CBR4: variants seen among roughly 807,000 people sequenced by gnomAD.
CBR4 encodes the protein 3-oxoacyl-[acyl-carrier-protein] reductase.
In CBR4, 22 loss-of-function variants were observed where a neutral mutation model predicts 21.0. That is an observed-to-expected ratio of 1.05 (90% CI 0.75 to 1.50). CBR4 has a LOEUF of 1.50. Ranked by LOEUF, CBR4 falls within the 40% of genes most tolerant of loss-of-function variation. CBR4 has a pLI of 0.00. For missense variants in CBR4, 302 were observed against 286.3 expected (o/e 1.05, Z -0.40); for synonymous variants, 100 against 104.4 (o/e 0.96, Z 0.26).
At chr4:168,994,287 G>A (rs150108241) in intron 4 of CBR4, among the ~76,000 whole-genome samples, 108 of 152,360 alleles carry the variant, frequency 7.1e-4, no homozygotes, top group African/African-American at 2.4e-3. Context: ...GCTATTGTCT[G>A]TGGTTCAGGA....
intron 2 of CBR4, among the ~76,000 whole-genome samples, chr4:168,957,571 A>C (rs751122275): frequency 3.3e-5 from 5 of 152,198 alleles, no homozygotes; most frequent in Non-Finnish European, 7.3e-5. Flanking sequence ...ATCAAGATAC[A>C]AACTACTTCC....
At chr4:168,970,656 G>A (rs1764178491) in intron 2 of CBR4, among the ~76,000 whole-genome samples, 2 of 150,484 alleles carry the variant, frequency 1.3e-5, no homozygotes, top group South Asian at 4.2e-4. Flanking sequence ...TTCCCTGCAA[G>A]GCCCCAGAGT....
intron 4 of CBR4, among the ~76,000 whole-genome samples, chr4:168,992,214 C>T (rs1764958610): frequency 6.6e-6 from 1 of 152,100 alleles, no homozygotes; most frequent in Non-Finnish European, 1.5e-5. Context: ...CAATAAGAAA[C>T]TGGTTAAATA....
At chr4:168,922,100 TA>T (rs1761669171) in intron 2 of CBR4, among the ~76,000 whole-genome samples, 8 of 96,632 alleles carry the variant, frequency 8.3e-5, no homozygotes, top group Non-Finnish European at 1.7e-4. Context: ...TATATATATA[TA>T]TACACACACA....
chr4:168,930,418 GA>G (rs2126652290), intron 2 of CBR4, among the ~76,000 whole-genome samples: 1 of 152,250 alleles, frequency 6.6e-6, no homozygotes, highest in South Asian at 2.1e-4. Flanking sequence ...TTCATACAAT[GA>G]AATATTACTT....
intron 2 of CBR4, chr4:168,897,916 C>T (rs1566496): frequency 2.0e-5 from 3 of 151,632 alleles, no homozygotes; most frequent in African/African-American, 7.3e-5. Context: ...GCTGAGGAGG[C>T]GGCCCTTGCA....
chr4:168,987,997 G>C lies in CBR4; in HGVS notation c.*2153C>G, dbSNP rs1023818009. 1.0e-5 allele frequency: 10 copies of C among 985,372 alleles called. No individual in the cohort carries two copies. The Admixed American group carries it at 5.5e-4, about 55-fold the overall frequency. 61.0% of individuals were successfully genotyped at this position (985,372 alleles called of 1,614,324 possible). On this transcript the variant is annotated 3_prime_UTR_variant, in exon 5 of 5. Coordinates refer to ENST00000306193, the MANE Select transcript of CBR4 (RefSeq NM_032783.5). ...GCACAGAACCCTTATGGGCTCATAG[G>C]AGTCAGCAAACAGCTACAGATGAGT...
intron 2 of CBR4, chr4:168,928,055 CACCA>C (rs1036845309): frequency 2.6e-5 from 5 of 195,600 alleles, no homozygotes; most frequent in African/African-American, 1.2e-4. Context: ...TTTGTAAGAA[CACCA>C]ACCAACCAAG....
chr4:168,973,781 A>G (rs933008635), intron 2 of CBR4, among the ~76,000 whole-genome samples: 8 of 152,186 alleles, frequency 5.3e-5, no homozygotes, highest in African/African-American at 1.7e-4. Flanking sequence ...CGAGGGTTGT[A>G]TATTTCCAGG....
At chr4:169,007,940 A>T (rs373599320) in intron 1 of CBR4, among the ~76,000 whole-genome samples, 184 bp from the exon 2 acceptor site, 4 of 152,348 alleles carry the variant, frequency 2.6e-5, no homozygotes, top group South Asian at 4.1e-4. Flanking sequence ...ATGCGGGAAC[A>T]AAGAGGAAAT....
chr4:169,001,913 C>T, intron 4 of CBR4, 158 bp downstream of exon 4: 2 of 614,188 alleles, frequency 3.3e-6, no homozygotes, highest in Non-Finnish European at 5.2e-6. Flanking sequence ...ATATGAGGTA[C>T]AAAAAATTTT....
At chr4:169,006,646 T>C (rs1730932041) in intron 3 of CBR4, 109 bp downstream of exon 3, 5 of 1,017,528 alleles carry the variant, frequency 4.9e-6, no homozygotes, top group Non-Finnish European at 5.9e-6. Context: ...TTTCCACAGA[T>C]AATATAAATT....
chr4:168,998,944 A>C (rs1052396720), intron 4 of CBR4, among the ~76,000 whole-genome samples: 2 of 152,134 alleles, frequency 1.3e-5, no homozygotes, highest in Non-Finnish European at 2.9e-5. Flanking sequence ...AAGACTCTTT[A>C]TGCCTTTTTG....
intron 2 of CBR4, among the ~76,000 whole-genome samples, chr4:168,939,248 C>T (rs1763194627): frequency 6.6e-6 from 1 of 152,086 alleles, no homozygotes; most frequent in Admixed American, 6.5e-5. Context: ...AATTCAACAC[C>T]CCTTCATGCA....
At chr4:168,949,339 G>T (rs902322625) in intron 2 of CBR4, among the ~76,000 whole-genome samples, 1 of 152,068 alleles carries the variant, frequency 6.6e-6, no homozygotes, top group Non-Finnish European at 1.5e-5. Flanking sequence ...CTTCTTTACC[G>T]ATTTGGATAC....
intron 2 of CBR4, among the ~76,000 whole-genome samples, chr4:168,918,587 A>C (rs1760755466): frequency 6.6e-6 from 1 of 152,178 alleles, no homozygotes; most frequent in African/African-American, 2.4e-5. Flanking sequence ...TCAGACAGGA[A>C]GAATAAGTTC....
rs1761544617 is a variant in CBR4, at chr4:168,921,697, A to G, written n.170-26932T>C. The G allele has an allele frequency of 1.1e-5, 18 of 1,611,672 alleles. No homozygotes were observed. Among genetic ancestry groups the G allele is most frequent in the Non-Finnish European group, 1.4e-5 (16 of 1,179,816 alleles). On this transcript the variant is annotated intron_variant and non_coding_transcript_variant, in intron 2 of 3. Coordinates refer to the CBR4 transcript ENST00000509108. The stretch of plus-strand genomic sequence containing the variant: ...GGCATCTACACATGTATAGCTACCA[A>G]CCGAGCAGGACAGAACTCATTCAGC...
intron 2 of CBR4, among the ~76,000 whole-genome samples, chr4:168,946,009 G>A (rs1319637240): frequency 6.6e-6 from 1 of 152,226 alleles, no homozygotes; most frequent in Non-Finnish European, 1.5e-5. Flanking sequence ...GTTGATTTTG[G>A]TACTTCTGCA....
At chr4:168,894,786 G>A in intron 2 of CBR4, 2 of 1,530,756 alleles carry the variant, frequency 1.3e-6, no homozygotes, top group East Asian at 4.9e-5. Flanking sequence ...TAGAGGGCAA[G>A]TCACAGAAAA....
Sources: gnomAD v4.1 joint callset for allele counts (sites outside exome capture counted in the v4.1 genomes callset) on GRCh38, gnomAD v4.1.1 for gene constraint, MANE v1.5 for transcripts, NCBI Gene and HGNC (gene_info 2026-07-23, HGNC 2026-07-21) for gene names.